Variants in KIRREL3 observed in about 807,000 individuals in gnomAD.
The protein encoded by KIRREL3 is kin of IRRE-like protein 3.
In KIRREL3, 36 loss-of-function variants were observed where a neutral mutation model predicts 89.7. The observed-to-expected ratio is 0.40, with a 90% CI of 0.31 to 0.53. KIRREL3 has a LOEUF of 0.53. Ranked by LOEUF, KIRREL3 falls within the 20% of genes least tolerant of loss-of-function variation. The pLI is 0.49. For synonymous variants in KIRREL3, 445 were observed against 441.4 expected (o/e 1.01, Z -0.10); for missense variants, 864 against 1,056.6 (o/e 0.82, Z 2.53).
chr11:126,980,274 G>A (rs1187602541), intron 1 of KIRREL3, among the ~76,000 whole-genome samples: 1 of 152,218 alleles, frequency 6.6e-6, no homozygotes, highest in Non-Finnish European at 1.5e-5. Flanking sequence ...GAAGAGCAAG[G>A]AGGGATGGAG....
chr11:126,959,804 T>C (rs1287107572), intron 1 of KIRREL3, among the ~76,000 whole-genome samples: 1 of 152,130 alleles, frequency 6.6e-6, no homozygotes, highest in East Asian at 1.9e-4. Flanking sequence ...CTGAATCCCA[T>C]TAGTCCTCCA....
chr11:126,869,181 C>A (rs1430048941), intron 1 of KIRREL3, among the ~76,000 whole-genome samples: 1 of 137,736 alleles, frequency 7.3e-6, no homozygotes, highest in South Asian at 2.3e-4. Flanking sequence ...TTTCTCCTAG[C>A]AGGACATGGC....
chr11:126,862,053 G>A (rs948210060), intron 1 of KIRREL3, among the ~76,000 whole-genome samples: 1 of 152,254 alleles, frequency 6.6e-6, no homozygotes, highest in Non-Finnish European at 1.5e-5. Flanking sequence ...CCTGAGGAAT[G>A]AAGCCACAGC....
At chr11:126,678,848 G>A (rs940513571) in intron 1 of KIRREL3, among the ~76,000 whole-genome samples, 4 of 152,156 alleles carry the variant, frequency 2.6e-5, no homozygotes, top group African/African-American at 9.7e-5. Flanking sequence ...TCAGCAAAAG[G>A]AAAGATGGCT....
At position 126,666,097 on chromosome 11, in the gene KIRREL3, A is replaced by T. The variant is rs990155233; in HGVS notation, c.56-103185T>A. 6.6e-6 allele frequency among the ~76,000 whole-genome samples: 1 copy of T among 152,226 alleles called. No individual in the cohort carries two copies. Among genetic ancestry groups the T allele is most frequent in the African/African-American group, 2.4e-5 (1 of 41,456 alleles). On this transcript the variant is annotated intron_variant, in intron 1 of 16. Transcript: ENST00000525144. This position sits in a 1 kb window ranked among gnomAD's most constrained non-coding sequence, Gnocchi z 4.2. ...TTCTGATTTGCATCCATGGTTCAGA[A>T]CCACTTGCCTACTGCATTGTCTGTA...
At chr11:126,925,214 A>G (rs1035459411) in intron 1 of KIRREL3, among the ~76,000 whole-genome samples, 2 of 152,060 alleles carry the variant, frequency 1.3e-5, no homozygotes, top group African/African-American at 2.4e-5. Context: ...CCCTGGTAAC[A>G]GAAAGGTTCC....
At chr11:126,509,258 G>A (rs536515404) in intron 4 of KIRREL3, among the ~76,000 whole-genome samples, 1 of 152,258 alleles carries the variant, frequency 6.6e-6, no homozygotes, top group Admixed American at 6.5e-5. Context: ...GCCCTGTTCT[G>A]CCTGGACTGA....
At chr11:126,922,858 C>T (rs2134990454) in intron 1 of KIRREL3, among the ~76,000 whole-genome samples, 1 of 152,300 alleles carries the variant, frequency 6.6e-6, no homozygotes, top group South Asian at 2.1e-4. Context: ...CCCACTCTTC[C>T]CACAATCCGC....
intron 1 of KIRREL3, among the ~76,000 whole-genome samples, chr11:126,743,465 G>C (rs1050007071): frequency 6.6e-6 from 1 of 152,210 alleles, no homozygotes; most frequent in African/African-American, 2.4e-5. Context: ...GCATGTCTAG[G>C]AGATGTTCTG....
chr11:126,505,198 A>G (rs924106355), intron 4 of KIRREL3, among the ~76,000 whole-genome samples: 3 of 152,268 alleles, frequency 2.0e-5, no homozygotes, highest in Non-Finnish European at 4.4e-5. Flanking sequence ...AAGACAAAGT[A>G]AAACTATCTT....
At chr11:126,497,231 T>C (rs1456686428) in intron 4 of KIRREL3, among the ~76,000 whole-genome samples, 3 of 150,862 alleles carry the variant, frequency 2.0e-5, no homozygotes, top group Middle Eastern at 3.2e-3. Flanking sequence ...TGAGTGTGTG[T>C]GAGACAGTGT....
At chr11:126,437,080 A>T (rs1277686602) in intron 11 of KIRREL3, 71 bp from the exon 12 acceptor site, 2 of 1,360,984 alleles carry the variant, frequency 1.5e-6, no homozygotes, top group South Asian at 3.0e-5. Context: ...CCAGAGTCAC[A>T]GTGCCACTGT....
chr11:126,675,614 C>T (rs1946153434), intron 1 of KIRREL3, among the ~76,000 whole-genome samples: 1 of 152,158 alleles, frequency 6.6e-6, no homozygotes. Context: ...GGGGCCATCC[C>T]AATGCCTACT....
chr11:126,558,972 A>G lies in KIRREL3; in HGVS notation c.133+3863T>C, dbSNP rs1939909043. ...GTGTGTGTTGGAGATGTGGCTGAGGAACCAGTGAGAGTAAACTGGATCTAC... is the reference window on the plus strand; with the variant it reads ...GTGTGTGTTGGAGATGTGGCTGAGGGACCAGTGAGAGTAAACTGGATCTAC... On this transcript the variant is annotated intron_variant, in intron 2 of 16. Transcript: ENST00000525144. This position sits in a 1 kb window ranked among gnomAD's most constrained non-coding sequence, Gnocchi z 4.0. Among the ~76,000 whole-genome samples, 1 of 152,042 alleles carries G rather than the reference A, an allele frequency of 6.6e-6. No individual in the cohort carries two copies. Among genetic ancestry groups the G allele is most frequent in the South Asian group, 2.1e-4 (1 of 4,820 alleles).
chr11:126,668,360 G>A lies in KIRREL3; in HGVS notation c.56-105448C>T, dbSNP rs530195723. ...CCCAAAGGCCTCACCTCCTAATACC[G>A]TAGCCTTGGAGGTGAGAATTTTAGC... On this transcript the variant is annotated intron_variant, in intron 1 of 16. Transcript: ENST00000525144. This position sits in a 1 kb window ranked among gnomAD's most constrained non-coding sequence, Gnocchi z 4.4. Among the ~76,000 whole-genome samples, 4 of 152,228 alleles carry A rather than the reference G, an allele frequency of 2.6e-5. No individual in the cohort carries two copies. Among genetic ancestry groups the A allele is most frequent in the South Asian group, 2.1e-4 (1 of 4,816 alleles).
chr11:126,437,647 TAC>T (rs909949297), intron 11 of KIRREL3, among the ~76,000 whole-genome samples: 82 of 151,964 alleles, frequency 5.4e-4, no homozygotes, highest in African/African-American at 1.9e-3. Flanking sequence ...AAAAACATGA[TAC>T]AGACATGTAC....
At position 126,551,183 on chromosome 11, in the gene KIRREL3, T is replaced by A. The variant is rs1939231147; in HGVS notation, c.133+11652A>T. Among the ~76,000 whole-genome samples, 1 of 152,106 alleles carries A rather than the reference T, an allele frequency of 6.6e-6. No homozygotes were observed. Among genetic ancestry groups the A allele is most frequent in the Admixed American group, 6.5e-5 (1 of 15,278 alleles). ...TGAGTGCGCCACCCTCCAGGAAGCT[T>A]TACATGCTCAGCTGCCCAGAAGCTC... is the stretch of plus-strand genomic sequence containing the variant. On this transcript the variant is annotated intron_variant, in intron 2 of 16. Transcript: ENST00000525144. The surrounding 1 kb of genome is among the most constrained non-coding windows in gnomAD (Gnocchi z 4.9).
intron 4 of KIRREL3, among the ~76,000 whole-genome samples, chr11:126,512,304 A>G (rs943358723): frequency 1.3e-5 from 2 of 152,218 alleles, no homozygotes; most frequent in African/African-American, 4.8e-5. Flanking sequence ...TGTGTGTGTT[A>G]AGTACCTGCG....
chr11:126,966,767 G>A (rs1296118390), intron 1 of KIRREL3, among the ~76,000 whole-genome samples: 3 of 152,060 alleles, frequency 2.0e-5, no homozygotes, highest in Admixed American at 6.5e-5. Flanking sequence ...TATATGCCTC[G>A]GTTTTCTCAT....
Sources: allele counts gnomAD v4.1 joint callset (sites outside exome capture counted in the v4.1 genomes callset), GRCh38; gene constraint gnomAD v4.1.1; non-coding constraint Gnocchi (gnomAD v3.1); transcripts MANE v1.5; gene names NCBI Gene and HGNC (gene_info 2026-07-23, HGNC 2026-07-21).